PRKCZ: variants seen among roughly 807,000 people sequenced by gnomAD.
PRKCZ encodes the protein protein kinase C zeta.
A neutral mutation model predicts 79.5 loss-of-function variants in PRKCZ; 33 were observed. The ratio of observed to expected loss-of-function variants is 0.41; its 90% confidence interval spans 0.31 to 0.55. The LOEUF is 0.55. Ranked by LOEUF, PRKCZ falls within the 20% of genes least tolerant of loss-of-function variation. The probability of loss-of-function intolerance (pLI) is 0.19; values close to 1 mark genes in which losing one functional copy is unlikely to be tolerated. For synonymous variants in PRKCZ, 342 were observed against 320.9 expected (o/e 1.07, Z -0.70); for missense variants, 578 against 813.5 (o/e 0.71, Z 3.52).
intron 10 of PRKCZ, among the ~76,000 whole-genome samples, chr1:2,159,625 G>A (rs950397576): frequency 2.0e-5 from 3 of 152,192 alleles, no homozygotes; most frequent in Non-Finnish European, 4.4e-5. Flanking sequence ...GCCTCTTCTG[G>A]CCGGCCATGT....
Position 2,050,558 on chromosome 1 carries a change from C to G in PRKCZ, c.-73C>G, listed in dbSNP as rs1247170795. ...CCTTCCGCGTTCCGCCGCGGCCCCA[C>G]CTGGAGCCCCCGCCCCGCGCCATGG... On this transcript the variant is annotated 5_prime_UTR_variant, in exon 1 of 18. Transcript: ENST00000378567. 3 of 1,014,258 alleles carry G rather than the reference C, an allele frequency of 3.0e-6. No homozygotes were observed. Among genetic ancestry groups the G allele is most frequent in the Non-Finnish European group, 3.8e-6 (3 of 795,842 alleles). The allele number at this position is 1,014,258 out of a possible 1,614,324, so 62.8% of individuals were successfully genotyped here. A position where few individuals can be genotyped will look rare whatever the true frequency, so the allele number is the denominator to read the frequency against.
chr1:2,104,221 A>T (rs951018911), intron 4 of PRKCZ, among the ~76,000 whole-genome samples: 3 of 152,038 alleles, frequency 2.0e-5, no homozygotes, highest in African/African-American at 7.2e-5. Context: ...TCATCACCTC[A>T]CTGGGATGTG....
chr1:2,078,033 T>G (rs1358845743), intron 4 of PRKCZ, among the ~76,000 whole-genome samples: 1 of 152,254 alleles, frequency 6.6e-6, no homozygotes, highest in Non-Finnish European at 1.5e-5. Context: ...TTGTCTCAAA[T>G]TTACTCCAGT....
intron 4 of PRKCZ, among the ~76,000 whole-genome samples, chr1:2,119,309 G>A (rs1671391508): frequency 6.6e-6 from 1 of 150,958 alleles, no homozygotes; most frequent in Non-Finnish European, 1.5e-5. Flanking sequence ...CCACCTCCTG[G>A]GTTCAAGTGA....
intron 4 of PRKCZ, chr1:2,074,130 G>A: frequency 6.5e-7 from 1 of 1,533,506 alleles, no homozygotes; most frequent in Non-Finnish European, 8.8e-7. Context: ...GCGTGCGGCT[G>A]CAGCAGCTCC....
chr1:2,124,893 C>CT (rs1673571280), intron 4 of PRKCZ, among the ~76,000 whole-genome samples: 1 of 152,144 alleles, frequency 6.6e-6, no homozygotes, highest in African/African-American at 2.4e-5. Context: ...TATTTTCCAG[C>CT]TTTCGTCGAT....
chr1:2,160,839 G>A (rs983186246), intron 10 of PRKCZ, among the ~76,000 whole-genome samples: 6 of 151,820 alleles, frequency 4.0e-5, no homozygotes, highest in African/African-American at 1.5e-4. Context: ...GGCCTGGGAT[G>A]GAGACGCCCC....
rs1192959116 is a variant in PRKCZ, at chr1:2,156,092, G to A, written c.974G>A (p.Arg325Gln). The part of the protein sequence containing the change: ...GLHSCFQTTS[R>Q]LFLVIEYVNG... ...CACTCCTGCTTCCAGACGACAAGTC[G>A]GTAAGAAAAAGAAGGGTATTTCTGA... is the stretch of plus-strand genomic sequence containing the variant. The change falls in exon 10 of 18, where the codon CGG becomes CAG. Residue 325 changes from arginine (R) to glutamine (Q), a missense_variant and splice_region_variant. By Grantham distance (43) the Arg-to-Gln change is conservative. Around this residue, in one of 4 missense-constraint regions of PRKCZ, gnomAD observed 243 missense variants for 467.0 expected, o/e 0.52. Coordinates refer to ENST00000378567, the MANE Select transcript of PRKCZ (RefSeq NM_002744.6). 1 of 1,609,400 alleles carries A rather than the reference G, an allele frequency of 6.2e-7. No individual in the cohort carries two copies. The highest frequency in any genetic ancestry group is 8.5e-7 in the Non-Finnish European group (1 of 1,176,014).
intron 4 of PRKCZ, among the ~76,000 whole-genome samples, chr1:2,093,658 G>A (rs949005456): frequency 4.6e-5 from 7 of 152,146 alleles, no homozygotes; most frequent in African/African-American, 1.7e-4. Context: ...GCTGGGACCT[G>A]TACCCTCTAA....
rs1409558223 is a variant in PRKCZ, at chr1:2,121,652, G to A, written c.335-13610G>A. 2.2e-5 allele frequency among the ~76,000 whole-genome samples: 3 copies of A among 136,110 alleles called. 1 individual carries two copies. The highest frequency in any genetic ancestry group is 6.0e-5 in the African/African-American group (2 of 33,190). The allele number at this position is 136,110 out of a possible 152,430, so 89.3% of individuals were successfully genotyped here. On this transcript the variant is annotated intron_variant, in intron 4 of 17. Transcript: ENST00000378567. ...GGGTCACAGTGGTAGTTAGGGTCACGGTGGTGGTTAGGGTCGTGGTGGTGG... is the reference window on the plus strand; with the variant it reads ...GGGTCACAGTGGTAGTTAGGGTCACAGTGGTGGTTAGGGTCGTGGTGGTGG...
In PRKCZ at chr1:2,165,945, C is replaced by T. The variant is rs1000966278; in HGVS notation, c.975-3573C>T. Among the ~76,000 whole-genome samples the T allele has an allele frequency of 1.3e-5, 2 of 152,206 alleles. No homozygotes were observed. The highest frequency in any genetic ancestry group is 2.9e-5 in the Non-Finnish European group (2 of 68,024). ...GAGGTTTCGTGAGCTTCCAGCATCC[C>T]CCTGCGGCCACTGTCCCTCCATTTC... On this transcript the variant is annotated intron_variant, in intron 10 of 17. Transcript: ENST00000378567. The surrounding 1 kb of genome is among the most constrained non-coding windows in gnomAD (Gnocchi z 4.1).
Position 2,059,594 on chromosome 1 carries a change from G to C in PRKCZ, c.334+3G>C. The C allele has an allele frequency of 6.2e-7, 1 of 1,614,152 alleles. No homozygotes were observed. The stretch of plus-strand genomic sequence containing the variant: ...CCTGCCATGTCCGGGAGAAGACAGT[G>C]AGTACTGGGGTTTCCTACGCCGGTC... On this transcript the variant is annotated splice_donor_region_variant and intron_variant, in intron 4 of 17. Coordinates refer to ENST00000378567, the MANE Select transcript of PRKCZ (RefSeq NM_002744.6).
At position 2,159,542 on chromosome 1, in the gene PRKCZ, G is replaced by A. The variant is rs564803185; in HGVS notation, c.974+3450G>A. ...TGAAACTGCAGAGGTTTCCACACAA[G>A]TTTGGTTCCCATAAAGGGTCTGTGA... On this transcript the variant is annotated intron_variant, in intron 10 of 17. Coordinates refer to ENST00000378567, the MANE Select transcript of PRKCZ (RefSeq NM_002744.6). 8.5e-5 allele frequency among the ~76,000 whole-genome samples: 13 copies of A among 152,354 alleles called. No homozygotes were observed. In the South Asian group the frequency reaches 2.3e-3, roughly 27 times the overall value.
At chr1:2,155,454 GTGGTGATGGTGA>G (rs1680811689) in intron 9 of PRKCZ, among the ~76,000 whole-genome samples, 1 of 152,012 alleles carries the variant, frequency 6.6e-6, no homozygotes, top group Admixed American at 6.6e-5. Context: ...GATGATGGTG[GTGGTGATGGTGA>G]TGATGACGGT....
At chr1:2,095,589 C>T (rs1287741008) in intron 4 of PRKCZ, among the ~76,000 whole-genome samples, 1 of 152,106 alleles carries the variant, frequency 6.6e-6, no homozygotes, top group Admixed American at 6.5e-5. Context: ...ATGCGTGCGT[C>T]CTGCATGGGT....
At chr1:2,129,715 C>T (rs144510547) in intron 4 of PRKCZ, among the ~76,000 whole-genome samples, 5 of 152,166 alleles carry the variant, frequency 3.3e-5, no homozygotes, top group Admixed American at 2.0e-4. Context: ...CAGTTGAGGG[C>T]GGCCCTGCCT....
chr1:2,161,425 C>T (rs1303990499), intron 10 of PRKCZ, among the ~76,000 whole-genome samples: 2 of 152,202 alleles, frequency 1.3e-5, no homozygotes, highest in Non-Finnish European at 2.9e-5. Flanking sequence ...GGGAACACTG[C>T]GGACAGCTGC....
chr1:2,180,053 A>G lies in PRKCZ; in HGVS notation c.1576-4530A>G, dbSNP rs1236656765. ...AAGTGGGGATCACAGCTGTGACCTC[A>G]TGGAGAGGGACAAGCCCCACAGCTG... is the stretch of plus-strand genomic sequence containing the variant. On this transcript the variant is annotated intron_variant, in intron 16 of 17. Transcript: ENST00000378567. Among the ~76,000 whole-genome samples the G allele has an allele frequency of 4.6e-5, 7 of 152,132 alleles. No homozygotes were observed. The East Asian group carries it at 1.4e-3, about 29-fold the overall frequency.
chr1:2,170,876 T>A (rs1684293023), intron 11 of PRKCZ, among the ~76,000 whole-genome samples: 1 of 152,254 alleles, frequency 6.6e-6, no homozygotes, highest in Admixed American at 6.5e-5. Flanking sequence ...GGCCACACTT[T>A]GCTTATCCGT....
Sources: allele counts gnomAD v4.1 joint callset (sites outside exome capture counted in the v4.1 genomes callset), GRCh38; gene constraint gnomAD v4.1.1; regional missense constraint gnomAD v4.1.1; non-coding constraint Gnocchi (gnomAD v3.1); transcripts MANE v1.5; gene names NCBI Gene and HGNC (gene_info 2026-07-23, HGNC 2026-07-21).